SAMD12: variants seen among roughly 807,000 people sequenced by gnomAD.
SAMD12 encodes the protein sterile alpha motif domain containing 12, also known as sterile alpha motif domain-containing protein 12.
A neutral mutation model predicts 15.0 loss-of-function variants in SAMD12; 9 were observed. The ratio of observed to expected loss-of-function variants is 0.60; its 90% CI spans 0.36 to 1.05. SAMD12 has a LOEUF of 1.05. Ranked by LOEUF, SAMD12 falls within the 50% of genes least tolerant of loss-of-function variation. SAMD12 has a pLI of 0.01. For synonymous variants in SAMD12, 86 were observed against 90.1 expected (o/e 0.96, Z 0.25); for missense variants, 230 against 234.2 (o/e 0.98, Z 0.12).
exon 5 of SAMD12, chr8:118,191,981 A>G (rs1482465992): frequency 5.3e-5 from 8 of 150,802 alleles, no homozygotes; most frequent in African/African-American, 1.7e-4. Context: ...ATTTCATGGC[A>G]TTTTTGCTAT....
At chr8:118,466,220 A>T (rs1823589981) in intron 2 of SAMD12, among the ~76,000 whole-genome samples, 1 of 152,214 alleles carries the variant, frequency 6.6e-6, no homozygotes, top group Non-Finnish European at 1.5e-5. Flanking sequence ...TAGAACAAGG[A>T]GAGGCCTTGA....
At position 118,249,958 on chromosome 8, in the gene SAMD12, A is replaced by T. The variant is rs931203960; in HGVS notation, c.434-52226T>A. Among the ~76,000 whole-genome samples, 5 of 152,240 alleles carry T rather than the reference A, an allele frequency of 3.3e-5. No homozygotes were observed. The East Asian group carries it at 7.7e-4, about 24-fold the overall frequency. The stretch of plus-strand genomic sequence containing the variant: ...TCAGCAGGCAGAAGCCTCTGAGTGA[A>T]TGCAGGTGAATCCACACCCCCGATG... On this transcript the variant is annotated intron_variant, in intron 4 of 4. Coordinates refer to the SAMD12 transcript ENST00000409003.
intron 2 of SAMD12, among the ~76,000 whole-genome samples, chr8:118,482,329 A>G (rs891686300): frequency 1.6e-4 from 25 of 152,158 alleles, no homozygotes. Flanking sequence ...AACTTGTCCC[A>G]ACTCACTTCA....
intron 4 of SAMD12, among the ~76,000 whole-genome samples, chr8:118,318,356 A>AAGG (rs1816054228): frequency 8.9e-6 from 1 of 112,076 alleles, no homozygotes; most frequent in East Asian, 2.8e-4. Flanking sequence ...ATATATATAT[A>AAGG]CATATATACC....
At chr8:118,507,997 T>A (rs1824969171) in intron 2 of SAMD12, among the ~76,000 whole-genome samples, 1 of 146,780 alleles carries the variant, frequency 6.8e-6, no homozygotes, top group East Asian at 2.0e-4. Context: ...TCTCCTTTTT[T>A]TTTTTTTTTT....
At chr8:118,396,311 G>A (rs1820562855) in intron 3 of SAMD12, among the ~76,000 whole-genome samples, 1 of 152,106 alleles carries the variant, frequency 6.6e-6, no homozygotes, top group African/African-American at 2.4e-5. Context: ...CAGTAAATTA[G>A]AAAGTGTCTG....
chr8:118,440,998 T>C (rs996986174), intron 2 of SAMD12, among the ~76,000 whole-genome samples: 25 of 152,216 alleles, frequency 1.6e-4, no homozygotes, highest in Admixed American at 1.4e-3. Flanking sequence ...TTATCCCTGC[T>C]CTTCTCCATA....
intron 4 of SAMD12, among the ~76,000 whole-genome samples, chr8:118,226,234 C>T (rs2451138): frequency 0.53 from 80,624 of 152,056 alleles, 25,984 homozygotes; most frequent in Non-Finnish European, 0.74. Flanking sequence ...AAATCATACA[C>T]TCAATAACTC....
chr8:118,502,754 T>C (rs570416519), intron 2 of SAMD12, among the ~76,000 whole-genome samples: 1 of 152,370 alleles, frequency 6.6e-6, no homozygotes, highest in South Asian at 2.1e-4. Flanking sequence ...TTGCAGGCTT[T>C]TGCAGCACTG....
chr8:118,334,745 A>G (rs1332428991), intron 4 of SAMD12, among the ~76,000 whole-genome samples: 1 of 152,046 alleles, frequency 6.6e-6, no homozygotes, highest in Non-Finnish European at 1.5e-5. Context: ...ACTGTCATGC[A>G]CCACCATACC....
chr8:118,590,332 G>C (rs1475982905), intron 1 of SAMD12, among the ~76,000 whole-genome samples: 1 of 152,204 alleles, frequency 6.6e-6, no homozygotes, highest in Non-Finnish European at 1.5e-5. Flanking sequence ...ACTCCCAGGA[G>C]AATGCCATAG....
intron 2 of SAMD12, among the ~76,000 whole-genome samples, chr8:118,568,039 C>T (rs1444929000): frequency 6.6e-6 from 1 of 151,952 alleles, no homozygotes; most frequent in Non-Finnish European, 1.5e-5. Flanking sequence ...TGGATGATGA[C>T]CTAAAATAAT....
intron 4 of SAMD12, among the ~76,000 whole-genome samples, chr8:118,236,822 AG>A: frequency 6.6e-6 from 1 of 152,228 alleles, no homozygotes; most frequent in Non-Finnish European, 1.5e-5. Flanking sequence ...CAGAAACAAC[AG>A]AAACTCGCAG....
the SAMD12 span, among the ~76,000 whole-genome samples, chr8:118,147,363 A>AT: frequency 6.0e-3 from 831 of 138,750 alleles, 5 homozygotes; most frequent in South Asian, 0.023. Context: ...TCCTAGGATA[A>AT]TTTTTTTTTT....
At chr8:118,610,739 C>G (rs1828089317) in intron 1 of SAMD12, among the ~76,000 whole-genome samples, 1 of 152,162 alleles carries the variant, frequency 6.6e-6, no homozygotes, top group Non-Finnish European at 1.5e-5. Context: ...GCTCATGGAC[C>G]AGAGATTACT....
chr8:118,293,027 T>A (rs562135132), intron 4 of SAMD12, among the ~76,000 whole-genome samples: 2 of 151,990 alleles, frequency 1.3e-5, no homozygotes, highest in African/African-American at 4.8e-5. Context: ...AATGTGCACA[T>A]GTACCCTAAA....
chr8:118,198,026 G>A (rs369545550), intron 4 of SAMD12, among the ~76,000 whole-genome samples: 4 of 152,248 alleles, frequency 2.6e-5, no homozygotes, highest in Non-Finnish European at 4.4e-5. Context: ...GCCCTATGGC[G>A]GGGCTGCAGT....
At chr8:118,368,216 C>T (rs887086553) in intron 4 of SAMD12, among the ~76,000 whole-genome samples, 35 of 152,040 alleles carry the variant, frequency 2.3e-4, no homozygotes, top group Admixed American at 3.9e-4. Flanking sequence ...GGTAGCAGTT[C>T]GAGAAAATGT....
At chr8:118,155,050 T>C in the SAMD12 span, among the ~76,000 whole-genome samples, 4 of 152,202 alleles carry the variant, frequency 2.6e-5, no homozygotes, top group African/African-American at 2.4e-5. Context: ...AAATTTTAGT[T>C]ACATCTGCAT....
Sources: allele counts gnomAD v4.1 joint callset (sites outside exome capture counted in the v4.1 genomes callset), GRCh38; gene constraint gnomAD v4.1.1; transcripts MANE v1.5; gene names NCBI Gene and HGNC (gene_info 2026-07-23, HGNC 2026-07-21).